Variants in PPP3R1 observed in about 807,000 individuals in gnomAD.
The protein encoded by PPP3R1 is calcineurin subunit B type 1.
A neutral mutation model predicts 22.6 loss-of-function variants in PPP3R1; 5 were observed. The observed-to-expected ratio is 0.22, with a 90% CI of 0.12 to 0.46. The LOEUF is 0.46. PPP3R1 is among the 20% of genes least tolerant of loss of function. The pLI is 0.99. For synonymous variants in PPP3R1, 56 were observed against 65.2 expected (o/e 0.86, Z 0.68); for missense variants, 61 against 203.2 (o/e 0.30, Z 4.25).
intron 1 of PPP3R1, among the ~76,000 whole-genome samples, chr2:68,251,707 C>T (rs1447240543): frequency 1.3e-5 from 2 of 152,158 alleles, no homozygotes; most frequent in Non-Finnish European, 2.9e-5. Flanking sequence ...CAAAGGATTT[C>T]AGAATACCCT....
intron 1 of PPP3R1, among the ~76,000 whole-genome samples, chr2:68,230,622 T>C (rs181144570): frequency 6.6e-4 from 100 of 152,380 alleles, no homozygotes; most frequent in Non-Finnish European, 1.1e-3. Flanking sequence ...TGTTCCTTCC[T>C]CTTTCCTGAT....
intron 1 of PPP3R1, among the ~76,000 whole-genome samples, chr2:68,237,421 T>C (rs770329589): frequency 2.7e-4 from 41 of 152,132 alleles, no homozygotes; most frequent in Non-Finnish European, 4.6e-4. Context: ...TCCAATTCCA[T>C]AGCCCAATCT....
chr2:68,198,532 G>C (rs1268700768), intron 2 of PPP3R1, among the ~76,000 whole-genome samples: 1 of 103,510 alleles, frequency 9.7e-6, no homozygotes, highest in Non-Finnish European at 2.0e-5. Context: ...AATGAGTCTG[G>C]ACCCTCTATT....
In PPP3R1 at chr2:68,252,232, G is replaced by A. The variant is rs1177503825; in HGVS notation, c.-105C>T. The stretch of plus-strand genomic sequence containing the variant: ...GCGGCGGCCCAGCTGCGGCCCTCGG[G>A]TCGCCGGCGGGGAGGGGGCGCGCGT... On this transcript the variant is annotated 5_prime_UTR_variant, in exon 1 of 6. Transcript: ENST00000234310. 1 of 1,133,740 alleles carries A rather than the reference G, an allele frequency of 8.8e-7. No individual in the cohort carries two copies. The highest frequency in any genetic ancestry group is 1.1e-6 in the Non-Finnish European group (1 of 915,026). 70.2% of individuals were successfully genotyped at this position (1,133,740 alleles called of 1,614,324 possible). A position where few individuals can be genotyped will look rare whatever the true frequency, so the allele number is the denominator to read the frequency against.
chr2:68,206,089 A>G (rs2103753573), intron 2 of PPP3R1, among the ~76,000 whole-genome samples: 2 of 152,296 alleles, frequency 1.3e-5, no homozygotes, highest in Middle Eastern at 3.4e-3. Flanking sequence ...AAGTGCTGGG[A>G]TTACAGGCGT....
rs1172050548 is a variant in PPP3R1 at position 68,180,129 on chromosome 2, C to G, written c.*834G>C. On this transcript the variant is annotated 3_prime_UTR_variant, in exon 6 of 6. Transcript: ENST00000234310. ...TTTATGTATAAAATCACAACTAGCA[C>G]TTAACGTTACTGAGGGACATTTAAT... The G allele has an allele frequency of 1.3e-5, 2 of 152,228 alleles. No homozygotes were observed. Among genetic ancestry groups the G allele is most frequent in the African/African-American group, 4.8e-5 (2 of 41,448 alleles). 9.4% of individuals were successfully genotyped at this position (152,228 alleles called of 1,614,324 possible). A position where few individuals can be genotyped will look rare whatever the true frequency, so the allele number is the denominator to read the frequency against.
In PPP3R1 at chr2:68,247,927, A is replaced by G. The variant is rs1460948296; in HGVS notation, c.3+4198T>C. The stretch of plus-strand genomic sequence containing the variant: ...CCTCATGTCTAGATTCATCTATCCT[A>G]TTATCCACCCGGCCATCAGAATGGT... On this transcript the variant is annotated intron_variant, in intron 1 of 5. Transcript: ENST00000234310. 2.0e-5 allele frequency among the ~76,000 whole-genome samples: 3 copies of G among 152,188 alleles called. No individual in the cohort carries two copies. The East Asian group carries it at 5.8e-4, about 29-fold the overall frequency.
At chr2:68,181,148 G>C (rs952634446) in intron 5 of PPP3R1, 138 bp from the exon 6 acceptor site, 1 of 751,168 alleles carries the variant, frequency 1.3e-6, no homozygotes, top group African/African-American at 1.7e-5. Context: ...CCAGCACTTT[G>C]GAAGGCCAAG....
intron 2 of PPP3R1, among the ~76,000 whole-genome samples, chr2:68,188,919 T>C (rs1329591502): frequency 1.3e-5 from 2 of 152,214 alleles, no homozygotes; most frequent in African/African-American, 4.8e-5. Context: ...TTTGGTTACC[T>C]TTCTGTTTGT....
chr2:68,224,008 A>T (rs1304379390), intron 1 of PPP3R1, among the ~76,000 whole-genome samples: 3 of 152,214 alleles, frequency 2.0e-5, no homozygotes, highest in South Asian at 4.1e-4. Flanking sequence ...AAACATGGAA[A>T]ATGAAATTAA....
chr2:68,244,245 TTTC>T (rs1276826354), intron 1 of PPP3R1, among the ~76,000 whole-genome samples: 1 of 152,194 alleles, frequency 6.6e-6, no homozygotes, highest in Non-Finnish European at 1.5e-5. Flanking sequence ...AAACCCCTGT[TTTC>T]TAGATTTATT....
intron 2 of PPP3R1, among the ~76,000 whole-genome samples, chr2:68,209,022 A>G (rs1343047215): frequency 1.3e-5 from 2 of 151,300 alleles, no homozygotes; most frequent in Admixed American, 6.6e-5. Context: ...AAGATTATGG[A>G]TAACTGGTCA....
rs1322565663 is a variant in PPP3R1, at chr2:68,179,071, C to A, written c.*1892G>T. 1 of 148,304 alleles carries A rather than the reference C, an allele frequency of 6.7e-6. No homozygotes were observed. The highest frequency in any genetic ancestry group is 2.5e-5 in the African/African-American group (1 of 40,538). 9.2% of individuals were successfully genotyped at this position (148,304 alleles called of 1,614,324 possible). ...AGGAAATAATGTTTACACTATTTTTCTGTAACGCCAGCCAAGATATGCACA... is the reference window on the plus strand; with the variant it reads ...AGGAAATAATGTTTACACTATTTTTATGTAACGCCAGCCAAGATATGCACA... On this transcript the variant is annotated 3_prime_UTR_variant, in exon 6 of 6. Transcript: ENST00000234310.
At chr2:68,187,907 C>T (rs1247473490) in intron 3 of PPP3R1, among the ~76,000 whole-genome samples, 3 of 151,938 alleles carry the variant, frequency 2.0e-5, no homozygotes, top group East Asian at 1.9e-4. Context: ...GTGGCTCATG[C>T]CTGTAATCCC....
chr2:68,230,793 T>C (rs1280370404), intron 1 of PPP3R1, among the ~76,000 whole-genome samples: 1 of 152,234 alleles, frequency 6.6e-6, no homozygotes, highest in Non-Finnish European at 1.5e-5. Context: ...GTTTCTGAGT[T>C]GACAGTCCTT....
At chr2:68,198,838 CTTT>C (rs750785123) in intron 2 of PPP3R1, among the ~76,000 whole-genome samples, 11 of 152,060 alleles carry the variant, frequency 7.2e-5, no homozygotes, top group Non-Finnish European at 1.5e-4. Context: ...TTGTGTAGGT[CTTT>C]TTAAGTTCCA....
intron 1 of PPP3R1, among the ~76,000 whole-genome samples, chr2:68,224,064 G>C (rs1669738241): frequency 6.6e-6 from 1 of 152,052 alleles, no homozygotes; most frequent in Admixed American, 6.6e-5. Context: ...AAAATACTTA[G>C]AAACAGTTAA....
intron 1 of PPP3R1, among the ~76,000 whole-genome samples, chr2:68,231,144 T>C (rs1264999574): frequency 2.0e-5 from 3 of 152,202 alleles, no homozygotes; most frequent in Non-Finnish European, 2.9e-5. Context: ...TATAGACTCA[T>C]GGTTCCCTGA....
rs200661558 is a variant in PPP3R1, at chr2:68,227,419, T to TAAA, written c.4-10289_4-10288insTTT. On this transcript the variant is annotated intron_variant, in intron 1 of 5. Coordinates refer to ENST00000234310, the MANE Select transcript of PPP3R1 (RefSeq NM_000945.4). ...TCTAGGGTAAAGTCACTGACCATCT[T>TAAA]AGTAACTGTTCTAGAACAGATTCTC... is the stretch of plus-strand genomic sequence containing the variant. Among the ~76,000 whole-genome samples, 166 of 152,164 alleles carry TAAA rather than the reference T, an allele frequency of 1.1e-3. 3 individuals are homozygous for TAAA. The East Asian group carries it at 0.028, about 25-fold the overall frequency.
Sources: gnomAD v4.1 joint callset for allele counts (sites outside exome capture counted in the v4.1 genomes callset) on GRCh38, gnomAD v4.1.1 for gene constraint, MANE v1.5 for transcripts, NCBI Gene and HGNC (gene_info 2026-07-23, HGNC 2026-07-21) for gene names.